GRIN2A: variants seen among roughly 807,000 people sequenced by gnomAD.
GRIN2A encodes the protein glutamate receptor ionotropic, NMDA 2A.
Under a neutral mutation model 113.4 loss-of-function variants are expected in GRIN2A, and 22 were observed. The ratio of observed to expected loss-of-function variants is 0.19; its 90% CI spans 0.14 to 0.28. The LOEUF (loss-of-function observed/expected upper bound fraction) is 0.28, where lower values mean the gene tolerates loss of function less well. Among genes scored for constraint, GRIN2A ranks in the 10% least tolerant of loss-of-function variants. GRIN2A has a pLI of 1.00. For synonymous variants in GRIN2A, 827 were observed against 738.4 expected (o/e 1.12, Z -1.94); for missense variants, 1,502 against 1,887.0 (o/e 0.80, Z 3.78).
In GRIN2A at chr16:9,938,405, G is replaced by A. The variant is rs1057521908; in HGVS notation, c.561C>T (p.Val187=). The A allele has an allele frequency of 6.2e-7, 1 of 1,613,956 alleles. No homozygotes were observed. The highest frequency in any genetic ancestry group is 1.3e-5 in the African/African-American group (1 of 74,926). ...CAAAGCTGTTGTCCACTGTGGTCTT[G>A]ACGAAGCTGATGAATTCCCTGTAGC... ...FPGYREFISF[V]KTTVDNSFVG... is the part of the protein sequence containing the mutation. Residue 187 remains valine, a synonymous_variant, in exon 3 of 13, where the codon GTC becomes GTT. Coordinates refer to ENST00000330684, the MANE Select transcript of GRIN2A (RefSeq NM_001134407.3).
chr16:9,893,364 A>G (rs2043736416), intron 3 of GRIN2A, among the ~76,000 whole-genome samples: 1 of 152,212 alleles, frequency 6.6e-6, no homozygotes, highest in Non-Finnish European at 1.5e-5. Flanking sequence ...AGAAAACTAA[A>G]ACACTGCTAT....
At chr16:10,145,461 T>G (rs2049419696) in intron 2 of GRIN2A, among the ~76,000 whole-genome samples, 1 of 152,094 alleles carries the variant, frequency 6.6e-6, no homozygotes, top group Non-Finnish European at 1.5e-5. Context: ...AAATTATGTA[T>G]ATTAAACACA....
rs144156439 is a variant in GRIN2A at position 9,816,823 on chromosome 16, G to A, written c.2168+5441C>T. ...AGATTCTGATTCAACTGGCTCAGTGGGGCTCAGCAATCTACATTTTTATTA... is the reference window on the plus strand; with the variant it reads ...AGATTCTGATTCAACTGGCTCAGTGAGGCTCAGCAATCTACATTTTTATTA... On this transcript the variant is annotated intron_variant, in intron 10 of 12. Coordinates refer to ENST00000330684, the MANE Select transcript of GRIN2A (RefSeq NM_001134407.3). Among the ~76,000 whole-genome samples the A allele has an allele frequency of 4.3e-3, 648 of 152,200 alleles. 2 individuals carry two copies. Among genetic ancestry groups the A allele is most frequent in the African/African-American group, 0.014 (602 of 41,522 alleles).
intron 2 of GRIN2A, among the ~76,000 whole-genome samples, chr16:9,982,533 A>T (rs116204322): frequency 2.4e-4 from 36 of 152,326 alleles, no homozygotes; most frequent in African/African-American, 8.7e-4. Context: ...AATACAGTAA[A>T]CGCATGCTTC....
chr16:10,119,095 C>G (rs765309059), intron 2 of GRIN2A, among the ~76,000 whole-genome samples: 21 of 152,122 alleles, frequency 1.4e-4, no homozygotes, highest in Non-Finnish European at 2.2e-4. Context: ...CAGCAGGAAG[C>G]AAACTTCTAC....
chr16:9,789,307 A>G (rs1299798098), intron 11 of GRIN2A, among the ~76,000 whole-genome samples: 1 of 152,180 alleles, frequency 6.6e-6, no homozygotes, highest in Non-Finnish European at 1.5e-5. Flanking sequence ...CCAGCAGACT[A>G]AAGAACAGAT....
chr16:9,798,428 C>T lies in GRIN2A; in HGVS notation c.2205G>A (p.Leu735=), dbSNP rs1195952200. Residue 735 remains leucine, a synonymous_variant, in exon 11 of 13, where the codon TTG becomes TTA. Transcript: ENST00000330684. ...CTTCATCCCTCCCAGCCTTGTAATTCAAGACTGCGGCATCGTAGATGAAAG... is the reference window on the plus strand; with the variant it reads ...CTTCATCCCTCCCAGCCTTGTAATTTAAGACTGCGGCATCGTAGATGAAAG... ...LDAFIYDAAV[L]NYKAGRDEGC... is the part of the protein sequence containing the mutation. 6.2e-7 allele frequency: 1 copy of T among 1,614,096 alleles called. No individual in the cohort carries two copies.
At chr16:10,097,549 G>A (rs1440376515) in intron 2 of GRIN2A, among the ~76,000 whole-genome samples, 1 of 152,112 alleles carries the variant, frequency 6.6e-6, no homozygotes, top group Non-Finnish European at 1.5e-5. Context: ...CTTCCTCCTG[G>A]TCCCTAAGCC....
At chr16:10,033,478 A>C (rs1346332198) in intron 2 of GRIN2A, among the ~76,000 whole-genome samples, 1 of 152,204 alleles carries the variant, frequency 6.6e-6, no homozygotes, top group Non-Finnish European at 1.5e-5. Context: ...TGATGTGATG[A>C]AACAAAACTG....
In GRIN2A at chr16:10,026,947, G is replaced by A. The variant is rs572477452; in HGVS notation, c.415-88396C>T. Among the ~76,000 whole-genome samples, 10 of 152,182 alleles carry A rather than the reference G, an allele frequency of 6.6e-5. No individual in the cohort carries two copies. In the East Asian group the frequency reaches 1.5e-3, roughly 23 times the overall value. On this transcript the variant is annotated intron_variant, in intron 2 of 12. Transcript: ENST00000330684. The stretch of plus-strand genomic sequence containing the variant: ...TGCCTGTTCTCAAGTGGACCCTCCC[G>A]TGAAGATGGCTCTATTTCAAATCAA...
intron 2 of GRIN2A, among the ~76,000 whole-genome samples, chr16:10,070,950 C>T (rs1466752751): frequency 4.6e-5 from 7 of 152,158 alleles, no homozygotes; most frequent in Admixed American, 1.3e-4. Context: ...AGAGAGCAGT[C>T]AGATTAACCC....
At chr16:9,850,834 G>T (rs1277068869) in intron 4 of GRIN2A, among the ~76,000 whole-genome samples, 1 of 152,148 alleles carries the variant, frequency 6.6e-6, no homozygotes, top group African/African-American at 2.4e-5. Context: ...ATTGAAGGCT[G>T]TATATTTTGA....
At chr16:9,986,200 C>T (rs2141796477) in intron 2 of GRIN2A, among the ~76,000 whole-genome samples, 1 of 151,702 alleles carries the variant, frequency 6.6e-6, no homozygotes, top group African/African-American at 2.4e-5. Context: ...AATCCTACAA[C>T]CAAGGAAAAG....
intron 5 of GRIN2A, among the ~76,000 whole-genome samples, chr16:9,845,749 C>A (rs1371086867): frequency 1.3e-5 from 2 of 152,186 alleles, no homozygotes; most frequent in African/African-American, 4.8e-5. Context: ...GTATATATCA[C>A]CTTAAATCTT....
At chr16:10,080,216 C>T (rs2047952390) in intron 2 of GRIN2A, among the ~76,000 whole-genome samples, 1 of 152,194 alleles carries the variant, frequency 6.6e-6, no homozygotes, top group African/African-American at 2.4e-5. Context: ...AAGTTTCTTG[C>T]TGTGGTTCTC....
chr16:10,096,539 A>AACACACACACACACAC (rs59351819), intron 2 of GRIN2A, among the ~76,000 whole-genome samples: 17,563 of 137,384 alleles, frequency 0.13, 1,405 homozygotes, highest in Non-Finnish European at 0.17. Context: ...ATTGTGGTAA[A>AACACACACACACACAC]ACACACACAC....
In GRIN2A at chr16:9,862,816, C is replaced by A. The variant is rs149086315; in HGVS notation, c.1123-12855G>T. On this transcript the variant is annotated intron_variant, in intron 4 of 12. Coordinates refer to ENST00000330684, the MANE Select transcript of GRIN2A (RefSeq NM_001134407.3). ...AATAAAAAAGGAGCTCTTTCATAATCATGGATTAATTTTTTGAACTTGCTC... is the reference window on the plus strand; with the variant it reads ...AATAAAAAAGGAGCTCTTTCATAATAATGGATTAATTTTTTGAACTTGCTC... Among the ~76,000 whole-genome samples the A allele has an allele frequency of 1.2e-4, 18 of 152,292 alleles. No homozygotes were observed. The East Asian group carries it at 3.5e-3, about 29-fold the overall frequency.
chr16:10,072,087 T>C (rs577298034), intron 2 of GRIN2A, among the ~76,000 whole-genome samples: 7 of 152,324 alleles, frequency 4.6e-5, no homozygotes, highest in Middle Eastern at 3.4e-3. Flanking sequence ...GATACCTCTA[T>C]CTGGGGACTT....
At chr16:10,102,550 TC>T (rs2048421011) in intron 2 of GRIN2A, among the ~76,000 whole-genome samples, 1 of 152,068 alleles carries the variant, frequency 6.6e-6, no homozygotes, top group Admixed American at 6.5e-5. Flanking sequence ...TTTTTTCTTT[TC>T]TTTTTTATTG....
Sources: allele counts gnomAD v4.1 joint callset (sites outside exome capture counted in the v4.1 genomes callset), GRCh38; gene constraint gnomAD v4.1.1; transcripts MANE v1.5; gene names NCBI Gene and HGNC (gene_info 2026-07-23, HGNC 2026-07-21).